Variants in BCL2L14 observed in about 807,000 individuals in gnomAD.
The protein encoded by BCL2L14 is apoptosis facilitator Bcl-2-like protein 14.
A neutral mutation model predicts 35.3 loss-of-function variants in BCL2L14; 27 were observed. That is an observed-to-expected ratio of 0.76 (90% confidence interval 0.56 to 1.05). The LOEUF (loss-of-function observed/expected upper bound fraction) is 1.05. BCL2L14 is among the 50% of genes least tolerant of loss of function. The probability of loss-of-function intolerance (pLI) is 0.00; values close to 1 mark genes in which losing one functional copy is unlikely to be tolerated. For missense variants in BCL2L14, 377 were observed against 382.6 expected, an observed-to-expected ratio of 0.99 and a Z score of 0.12; for synonymous variants, 139 against 145.9, an observed-to-expected ratio of 0.95 and a Z score of 0.34.
At chr12:12,070,436 G>A (rs762628031), upstream of BCL2L14, among the ~76,000 whole-genome samples, 3 of 152,226 alleles carry the variant, frequency 2.0e-5, no homozygotes, top group Non-Finnish European at 2.9e-5. Flanking sequence ...TGTAATCCCA[G>A]CACTTTGGGA....
chr12:12,075,731 GT>G (rs1417772749), intron 1 of BCL2L14, among the ~76,000 whole-genome samples: 1 of 152,088 alleles, frequency 6.6e-6, no homozygotes, highest in Non-Finnish European at 1.5e-5. Flanking sequence ...TGCCGGATAT[GT>G]TTCTTATGTC....
intron 1 of BCL2L14, among the ~76,000 whole-genome samples, chr12:12,076,385 A>G (rs1591818722): frequency 6.6e-6 from 1 of 152,190 alleles, no homozygotes; most frequent in South Asian, 2.1e-4. Flanking sequence ...AGTGGCGGGA[A>G]GAAAGATTGT....
chr12:12,078,157 C>CATCA (rs1306970673), intron 1 of BCL2L14: 1 of 167,422 alleles, frequency 6.0e-6, no homozygotes, highest in African/African-American at 2.4e-5. Context: ...CCATTGCCTC[C>CATCA]ATCAGTGTGT....
intron 4 of BCL2L14, among the ~76,000 whole-genome samples, chr12:12,093,243 T>C (rs1233549918): frequency 6.6e-6 from 1 of 151,786 alleles, no homozygotes; most frequent in Non-Finnish European, 1.5e-5. Flanking sequence ...TGCAAGGGAG[T>C]CTTCCCTGAC....
At chr12:12,080,074 G>A (rs1167512807) in intron 2 of BCL2L14, among the ~76,000 whole-genome samples, 2 of 152,020 alleles carry the variant, frequency 1.3e-5, no homozygotes, top group African/African-American at 4.8e-5. Context: ...GCGTGTTGGC[G>A]GGTGCCTGTA....
chr12:12,096,835 G>T (rs1949321878), intron 5 of BCL2L14, among the ~76,000 whole-genome samples: 1 of 152,222 alleles, frequency 6.6e-6, no homozygotes, highest in Non-Finnish European at 1.5e-5. Context: ...TCCCAAAAAT[G>T]TTAACTATGA....
chr12:12,069,994 A>G (rs1337887775), upstream of BCL2L14, among the ~76,000 whole-genome samples: 1 of 152,190 alleles, frequency 6.6e-6, no homozygotes, highest in Non-Finnish European at 1.5e-5. Context: ...CAGTTTGACC[A>G]GCGGTCCAGG....
intron 5 of BCL2L14, 73 bp downstream of exon 5, chr12:12,095,003 T>A (rs1018640318): frequency 3.1e-5 from 44 of 1,421,684 alleles, no homozygotes; most frequent in South Asian, 5.6e-5. Flanking sequence ...TTTTTTTTTT[T>A]AAATGAAGGG....
intron 2 of BCL2L14, among the ~76,000 whole-genome samples, chr12:12,063,427 A>G (rs2618366): frequency 0.82 from 118,769 of 144,512 alleles, 49,017 homozygotes; most frequent in East Asian, 0.92. Flanking sequence ...ATACAAAACT[A>G]TATCCAGGCC....
At chr12:12,093,166 A>C (rs1030204967) in intron 4 of BCL2L14, among the ~76,000 whole-genome samples, 7 of 152,250 alleles carry the variant, frequency 4.6e-5, no homozygotes, top group Admixed American at 2.0e-4. Context: ...GCCGGGAGGT[A>C]AAATCAATAG....
Position 12,079,561 on chromosome 12 carries a change from C to A in BCL2L14, c.256C>A (p.Leu86Ile). ...NSQSSEKAIN[L>I]GKKKSSWKAF... ...CCAATCCAGTGAGAAGGCCATAAAC[C>A]TTGGCAAGAAAAAGTCTTCTTGGAA... The change falls in exon 2 of 6, where the codon CTT (leucine) becomes ATT (isoleucine). Residue 86 changes from leucine to isoleucine, a missense_variant. Leu to Ile is a conservative substitution (Grantham distance 5). Coordinates refer to ENST00000308721, the MANE Select transcript of BCL2L14 (RefSeq NM_138723.2). 3 of 1,614,182 alleles carry A rather than the reference C, an allele frequency of 1.9e-6. No individual in the cohort carries two copies. Among genetic ancestry groups the A allele is most frequent in the Non-Finnish European group, 2.5e-6 (3 of 1,180,034 alleles).
At position 12,057,755 on chromosome 12, in the gene BCL2L14, T is replaced by TAAAAAAAAA. The variant is rs370379966; in HGVS notation, c.-272+5915_-272+5923dup. Among the ~76,000 whole-genome samples, 170 of 120,304 alleles carry TAAAAAAAAA rather than the reference T, an allele frequency of 1.4e-3. 2 individuals carry two copies. The highest frequency in any genetic ancestry group is 2.1e-3 in the Non-Finnish European group (121 of 58,162). 78.9% of individuals were successfully genotyped at this position (120,304 alleles called of 152,430 possible). On this transcript the variant is annotated intron_variant, in intron 2 of 3. Coordinates refer to the BCL2L14 transcript ENST00000461264. ...CTGGGCAATAAGAGCAAAACTCCAT[T>TAAAAAAAAA]AAAAAAAAAAAAAAAGAAGTGAAGA...
chr12:12,088,713 C>T (rs1949101561), intron 3 of BCL2L14, among the ~76,000 whole-genome samples: 1 of 152,108 alleles, frequency 6.6e-6, no homozygotes, highest in Admixed American at 6.6e-5. Context: ...CAAGGTGGAT[C>T]TTGGGTTTGC....
intron 2 of BCL2L14, chr12:12,055,468 C>A (rs1032974420): frequency 7.9e-5 from 12 of 152,134 alleles, no homozygotes; most frequent in African/African-American, 2.4e-4. Context: ...TCAGATTTTG[C>A]AGGAATTAAC....
intron 2 of BCL2L14, among the ~76,000 whole-genome samples, chr12:12,060,240 G>C (rs964702338): frequency 2.0e-5 from 3 of 151,502 alleles, no homozygotes; most frequent in African/African-American, 7.3e-5. Context: ...TGAAAAGGTG[G>C]CTGGAGCTAA....
chr12:12,053,420 CT>C (rs1948386610), intron 2 of BCL2L14, among the ~76,000 whole-genome samples: 1 of 43,024 alleles, frequency 2.3e-5, no homozygotes, highest in East Asian at 1.2e-3. Context: ...ACTTCTTCTT[CT>C]TCTTTTTTTT....
At chr12:12,093,395 G>A (rs954748167) in intron 4 of BCL2L14, among the ~76,000 whole-genome samples, 36 of 152,336 alleles carry the variant, frequency 2.4e-4, no homozygotes, top group Non-Finnish European at 4.3e-4. Flanking sequence ...CTCCTGGGGA[G>A]GCCGAGGTGG....
At chr12:12,053,295 T>G (rs2136705660) in intron 2 of BCL2L14, among the ~76,000 whole-genome samples, 1 of 152,348 alleles carries the variant, frequency 6.6e-6, no homozygotes, top group East Asian at 1.9e-4. Context: ...AGAGCTGGGA[T>G]TTGAAGGCAA....
chr12:12,061,674 T>C (rs551089060), intron 2 of BCL2L14, among the ~76,000 whole-genome samples: 17 of 152,304 alleles, frequency 1.1e-4, no homozygotes, highest in East Asian at 5.8e-4. Flanking sequence ...CCCTTCATCC[T>C]AGCCTCTCTT....
Sources: allele counts gnomAD v4.1 joint callset (sites outside exome capture counted in the v4.1 genomes callset), GRCh38; gene constraint gnomAD v4.1.1; transcripts MANE v1.5; gene names NCBI Gene and HGNC (gene_info 2026-07-23, HGNC 2026-07-21).